Variants in PRICKLE1 observed in about 807,000 individuals in gnomAD.
The protein encoded by PRICKLE1 is prickle planar cell polarity protein 1.
In PRICKLE1, 14 loss-of-function variants were observed where a neutral mutation model predicts 70.2. The ratio of observed to expected loss-of-function variants is 0.20; its 90% CI spans 0.13 to 0.31. The LOEUF (loss-of-function observed/expected upper bound fraction) is 0.31, where lower values mean the gene tolerates loss of function less well. PRICKLE1 is among the 10% of genes least tolerant of loss of function. The probability of loss-of-function intolerance (pLI) is 1.00; values close to 1 mark genes in which losing one functional copy is unlikely to be tolerated. For missense variants in PRICKLE1, 821 were observed against 1,026.2 expected (o/e 0.80, Z 2.73); for synonymous variants, 357 against 379.9 (o/e 0.94, Z 0.70).
rs192149362 is a variant in PRICKLE1, at chr12:42,585,989, C to T, written c.-49+3476G>A. ...GAGGTTTCGAGGAACTGCAACAATG[C>T]AGGACTTGGTGCCCAGATTACTGTA... On this transcript the variant is annotated intron_variant, in intron 1 of 7. Transcript: ENST00000345127. Among the ~76,000 whole-genome samples the T allele has an allele frequency of 2.0e-5, 3 of 152,290 alleles. No individual in the cohort carries two copies. The East Asian group carries it at 5.8e-4, about 29-fold the overall frequency.
At chr12:42,514,887 C>CTCTA (rs150030888) in intron 1 of PRICKLE1, among the ~76,000 whole-genome samples, 22,009 of 139,484 alleles carry the variant, frequency 0.16, 1,644 homozygotes, top group Middle Eastern at 0.16. Flanking sequence ...TTAAGGCTCG[C>CTCTA]TCTATCTATC....
chr12:42,542,179 A>G (rs1428914064), intron 1 of PRICKLE1, among the ~76,000 whole-genome samples: 1 of 152,158 alleles, frequency 6.6e-6, no homozygotes, highest in South Asian at 2.1e-4. Context: ...AGGGGGCAGA[A>G]ATGCCAAGAA....
intron 1 of PRICKLE1, among the ~76,000 whole-genome samples, chr12:42,521,624 C>T (rs1214997237): frequency 6.6e-6 from 1 of 151,942 alleles, no homozygotes; most frequent in Non-Finnish European, 1.5e-5. Flanking sequence ...TCGCTTAAGC[C>T]TGCTAGGTGG....
At chr12:42,479,930 G>C (rs1938732257) in intron 1 of PRICKLE1, among the ~76,000 whole-genome samples, 1 of 151,834 alleles carries the variant, frequency 6.6e-6, no homozygotes, top group Non-Finnish European at 1.5e-5. Flanking sequence ...CTCCAGCCTG[G>C]GCAACAAGAG....
At chr12:42,568,083 C>A (rs1940652037) in intron 1 of PRICKLE1, among the ~76,000 whole-genome samples, 1 of 152,220 alleles carries the variant, frequency 6.6e-6, no homozygotes, top group South Asian at 2.1e-4. Context: ...ACATATAAAT[C>A]ATCCTTGAGA....
At chr12:42,547,310 C>T (rs560582168) in intron 1 of PRICKLE1, among the ~76,000 whole-genome samples, 1 of 152,296 alleles carries the variant, frequency 6.6e-6, no homozygotes, top group South Asian at 2.1e-4. Flanking sequence ...TAATTAATAA[C>T]CCTGGTATGC....
chr12:42,514,896 T>C (rs565220174), intron 1 of PRICKLE1, among the ~76,000 whole-genome samples: 1 of 82,744 alleles, frequency 1.2e-5, no homozygotes, highest in Non-Finnish European at 2.8e-5. Context: ...GCTCTATCTA[T>C]CTATCTATCT....
chr12:42,485,682 T>C (rs1187045388), intron 1 of PRICKLE1, among the ~76,000 whole-genome samples: 1 of 152,182 alleles, frequency 6.6e-6, no homozygotes, highest in Admixed American at 6.6e-5. Context: ...AGCAGGTGAA[T>C]ACATTAAGCC....
At chr12:42,472,652 TAACA>T (rs1257373556) in intron 1 of PRICKLE1, 88 bp from the exon 2 acceptor site, 14 of 1,106,440 alleles carry the variant, frequency 1.3e-5, no homozygotes. Flanking sequence ...TGAATGCTGT[TAACA>T]GACAGCTGGG....
At chr12:42,538,910 A>C (rs1195481416) in intron 1 of PRICKLE1, among the ~76,000 whole-genome samples, 1 of 152,142 alleles carries the variant, frequency 6.6e-6, no homozygotes, top group East Asian at 1.9e-4. Context: ...CTAACCATTT[A>C]TTGCCTTAGA....
At chr12:42,500,208 A>AAC (rs1939280882) in intron 1 of PRICKLE1, among the ~76,000 whole-genome samples, 1 of 152,200 alleles carries the variant, frequency 6.6e-6, no homozygotes, top group South Asian at 2.1e-4. Flanking sequence ...GGGACCCTCC[A>AAC]ACACACACAC....
In PRICKLE1 at chr12:42,460,096, C is replaced by T. The variant is rs753625155; in HGVS notation, c.2209G>A (p.Ala737Thr). The T allele has an allele frequency of 1.2e-6, 2 of 1,614,108 alleles. No individual in the cohort carries two copies. Among genetic ancestry groups the T allele is most frequent in the Non-Finnish European group, 1.7e-6 (2 of 1,180,036 alleles). The change falls in exon 8 of 8, where the codon GCC (alanine) becomes ACC (threonine). Residue 737 changes from alanine (A) to threonine (T), a missense_variant. Transcript: ENST00000345127. ...NADLYGQYAH[A>T]TSDYGLQNPG... ...TTCTGCAGGCCATAATCGGAAGTGG[C>T]ATGGGCGTACTGTCCGTAGAGATCA... is the stretch of plus-strand genomic sequence containing the variant.
chr12:42,536,913 A>G lies in PRICKLE1; in HGVS notation c.-49+52552T>C, dbSNP rs908733418. 2.6e-5 allele frequency among the ~76,000 whole-genome samples: 4 copies of G among 152,162 alleles called. No homozygotes were observed. In the East Asian group the frequency reaches 7.7e-4, roughly 29 times the overall value. On this transcript the variant is annotated intron_variant, in intron 1 of 7. Transcript: ENST00000345127. ...ATGGCAAATTTTATCCATCTTTGGG[A>G]GGGTTACTGGTACGTATACATATTA...
intron 1 of PRICKLE1, among the ~76,000 whole-genome samples, chr12:42,523,191 A>T (rs939264907): frequency 6.6e-6 from 1 of 151,910 alleles, no homozygotes; most frequent in Non-Finnish European, 1.5e-5. Context: ...ATGGTCTCGA[A>T]CTCCTGACCT....
At chr12:42,511,817 T>C (rs1371087015) in intron 1 of PRICKLE1, among the ~76,000 whole-genome samples, 1 of 152,228 alleles carries the variant, frequency 6.6e-6, no homozygotes, top group Admixed American at 6.5e-5. Context: ...AGGTTTTCTT[T>C]ACTTCTCAAA....
chr12:42,495,380 C>CAAAA (rs756105644), intron 1 of PRICKLE1, among the ~76,000 whole-genome samples: 2 of 69,038 alleles, frequency 2.9e-5, no homozygotes, highest in African/African-American at 5.1e-5. Context: ...GACCTTGTCT[C>CAAAA]AAAAAAAAAA....
intron 1 of PRICKLE1, among the ~76,000 whole-genome samples, chr12:42,520,510 G>A (rs1202502940): frequency 1.3e-5 from 2 of 152,108 alleles, no homozygotes; most frequent in Non-Finnish European, 2.9e-5. Context: ...AGTTGCGATG[G>A]GGATTAAATG....
chr12:42,560,913 C>T (rs1181505596), intron 1 of PRICKLE1, among the ~76,000 whole-genome samples: 2 of 152,058 alleles, frequency 1.3e-5, no homozygotes, highest in African/African-American at 2.4e-5. Context: ...GAGTCCTATC[C>T]TCAAAAAGAA....
intron 1 of PRICKLE1, chr12:42,490,142 G>T (rs1939069773): frequency 6.6e-6 from 1 of 152,278 alleles, no homozygotes; most frequent in East Asian, 1.9e-4. Context: ...AATATTTGAG[G>T]TATGGTTAAA....
Sources: allele counts gnomAD v4.1 joint callset (sites outside exome capture counted in the v4.1 genomes callset), GRCh38; gene constraint gnomAD v4.1.1; transcripts MANE v1.5; gene names NCBI Gene and HGNC (gene_info 2026-07-23, HGNC 2026-07-21).